MAP3K5: variants seen among roughly 807,000 people sequenced by gnomAD.
MAP3K5 encodes ASK-1.
In MAP3K5, 56 loss-of-function variants were observed where a neutral mutation model predicts 158.7. That is an observed-to-expected ratio of 0.35 (90% CI 0.28 to 0.44). The LOEUF (loss-of-function observed/expected upper bound fraction) is 0.44, where lower values mean the gene tolerates loss of function less well. Ranked by LOEUF, MAP3K5 falls within the 20% of genes least tolerant of loss-of-function variation. The probability of loss-of-function intolerance (pLI) is 1.00; values close to 1 mark genes in which losing one functional copy is unlikely to be tolerated. For missense variants in MAP3K5, 1,294 were observed against 1,674.8 expected, an observed-to-expected ratio of 0.77 and a Z score of 3.97; for synonymous variants, 579 against 601.7, an observed-to-expected ratio of 0.96 and a Z score of 0.55.
intron 1 of MAP3K5, among the ~76,000 whole-genome samples, chr6:136,727,017 A>T (rs775845761): frequency 6.6e-6 from 1 of 152,196 alleles, no homozygotes; most frequent in Non-Finnish European, 1.5e-5. Flanking sequence ...CCAGTAACAC[A>T]GCACTGTTTA....
At chr6:136,769,641 A>G (rs1582672322) in intron 1 of MAP3K5, among the ~76,000 whole-genome samples, 1 of 150,204 alleles carries the variant, frequency 6.7e-6, no homozygotes, top group African/African-American at 2.5e-5. Context: ...TGAGTATTCA[A>G]TGGGCAGGCT....
chr6:136,593,687 C>T (rs940701305), intron 21 of MAP3K5: 6 of 414,150 alleles, frequency 1.4e-5, no homozygotes, highest in Non-Finnish European at 2.8e-5. Flanking sequence ...AAAATACTGT[C>T]CATGATCTAT....
chr6:136,772,100 G>GT (rs1784225831), intron 1 of MAP3K5, among the ~76,000 whole-genome samples: 1 of 121,782 alleles, frequency 8.2e-6, no homozygotes, highest in African/African-American at 3.5e-5. Context: ...AGTAGAAATG[G>GT]GGGGGGGGGG....
chr6:136,767,588 GA>G (rs1163905067), intron 1 of MAP3K5, among the ~76,000 whole-genome samples: 1 of 151,358 alleles, frequency 6.6e-6, no homozygotes, highest in Non-Finnish European at 1.5e-5. Flanking sequence ...AAATGTAAAT[GA>G]AACAAAAAGG....
At chr6:136,678,881 A>G (rs2114580885) in intron 7 of MAP3K5, among the ~76,000 whole-genome samples, 1 of 152,184 alleles carries the variant, frequency 6.6e-6, no homozygotes, top group East Asian at 1.9e-4. Context: ...ATGTGCCACC[A>G]CACCCAGGTA....
chr6:136,710,149 G>GA (rs1781248401), intron 2 of MAP3K5, among the ~76,000 whole-genome samples: 1 of 152,144 alleles, frequency 6.6e-6, no homozygotes, highest in Non-Finnish European at 1.5e-5. Context: ...ATAAGACCTT[G>GA]AAAGGTATCT....
Position 136,700,766 on chromosome 6 carries a change from G to A in MAP3K5, c.613-2084C>T, listed in dbSNP as rs147492646. 2.2e-4 allele frequency among the ~76,000 whole-genome samples: 33 copies of A among 152,220 alleles called. No homozygotes were observed. In the East Asian group the frequency reaches 4.1e-3, roughly 19 times the overall value. ...CAAAATACAGACCTGAGAATTATTG[G>A]ATATGGTAGAATCAAAAGAAGTGGG... is the stretch of plus-strand genomic sequence containing the variant. On this transcript the variant is annotated intron_variant, in intron 3 of 29. Coordinates refer to ENST00000359015, the MANE Select transcript of MAP3K5 (RefSeq NM_005923.4).
chr6:136,616,702 CGATGAT>C (rs113611680), intron 15 of MAP3K5, among the ~76,000 whole-genome samples: 6 of 151,098 alleles, frequency 4.0e-5, no homozygotes, highest in Non-Finnish European at 7.4e-5. Flanking sequence ...TCAAGTAACT[CGATGAT>C]GATGATGATG....
chr6:136,647,697 T>A (rs765834217), intron 11 of MAP3K5: 1 of 152,260 alleles, frequency 6.6e-6, no homozygotes, highest in South Asian at 2.1e-4. Context: ...TTGCTTTCAC[T>A]TTGGTGCCTT....
chr6:136,729,460 G>T (rs1782112567), intron 1 of MAP3K5, among the ~76,000 whole-genome samples: 1 of 152,172 alleles, frequency 6.6e-6, no homozygotes. Flanking sequence ...CACCATGAAT[G>T]GTAATCACAT....
intron 8 of MAP3K5, among the ~76,000 whole-genome samples, chr6:136,663,207 A>G (rs918642346): frequency 6.6e-4 from 100 of 152,212 alleles, no homozygotes; most frequent in African/African-American, 2.2e-3. Flanking sequence ...CATACACCTT[A>G]TAAGTGGTGG....
intron 12 of MAP3K5, among the ~76,000 whole-genome samples, chr6:136,641,874 G>C (rs1777957892): frequency 6.6e-6 from 1 of 151,574 alleles, no homozygotes. Context: ...CGTAATCCCA[G>C]CTACTTGGGA....
intron 15 of MAP3K5, among the ~76,000 whole-genome samples, chr6:136,621,298 T>A (rs1776790329): frequency 6.6e-6 from 1 of 152,196 alleles, no homozygotes; most frequent in Non-Finnish European, 1.5e-5. Context: ...AGGATTTCCA[T>A]CTCTGAGCTT....
chr6:136,637,660 GT>G (rs35303108), intron 13 of MAP3K5, among the ~76,000 whole-genome samples: 103,681 of 149,026 alleles, frequency 0.7, 37,000 homozygotes, highest in African/African-American at 0.88. Context: ...TTCTTGTAAA[GT>G]TTTTTTTTTT....
At chr6:136,668,200 T>C (rs1779311092) in intron 8 of MAP3K5, among the ~76,000 whole-genome samples, 1 of 151,990 alleles carries the variant, frequency 6.6e-6, no homozygotes, top group Admixed American at 6.6e-5. Flanking sequence ...GGCAACATAG[T>C]GTGGCCACGT....
chr6:136,568,399 C>T (rs1256949709), intron 25 of MAP3K5, among the ~76,000 whole-genome samples: 4 of 152,160 alleles, frequency 2.6e-5, no homozygotes, highest in Admixed American at 6.5e-5. Context: ...GCTGAAAATG[C>T]CACACGCAGG....
At chr6:136,773,779 C>G (rs982908604) in intron 1 of MAP3K5, among the ~76,000 whole-genome samples, 1 of 152,168 alleles carries the variant, frequency 6.6e-6, no homozygotes, top group African/African-American at 2.4e-5. Context: ...TCCCAAGTAA[C>G]TGGGACCACA....
At chr6:136,630,010 C>T (rs1270783007) in intron 14 of MAP3K5, among the ~76,000 whole-genome samples, 1 of 152,044 alleles carries the variant, frequency 6.6e-6, no homozygotes, top group African/African-American at 2.4e-5. Flanking sequence ...CTCTGCCTCC[C>T]AAAGTGCTGG....
chr6:136,599,346 T>C (rs1033027028), intron 21 of MAP3K5, among the ~76,000 whole-genome samples: 2 of 152,156 alleles, frequency 1.3e-5, no homozygotes, highest in African/African-American at 2.4e-5. Context: ...CAAGTCCATA[T>C]GTAAGCAAGA....
Sources: gnomAD v4.1 joint callset for allele counts (sites outside exome capture counted in the v4.1 genomes callset) on GRCh38, gnomAD v4.1.1 for gene constraint, MANE v1.5 for transcripts, NCBI Gene and HGNC (gene_info 2026-07-23, HGNC 2026-07-21) for gene names.